The following DIP2C variants were observed in gnomAD, a reference collection of about 807,000 sequenced individuals.
DIP2C encodes disco-interacting protein 2 homolog C.
DIP2C carries 33 observed loss-of-function variants against 192.4 expected under a neutral mutation model. The ratio of observed to expected loss-of-function variants is 0.17; its 90% CI spans 0.13 to 0.23. DIP2C has a LOEUF of 0.23. Ranked by LOEUF, DIP2C falls within the 10% of genes least tolerant of loss-of-function variation. The pLI, the probability that DIP2C is intolerant of heterozygous loss-of-function variation, is 1.00. For missense variants in DIP2C, 1,537 were observed against 2,110.1 expected, an observed-to-expected ratio of 0.73 and a Z score of 5.32; for synonymous variants, 979 against 864.1, an observed-to-expected ratio of 1.13 and a Z score of -2.33.
intron 2 of DIP2C, among the ~76,000 whole-genome samples, chr10:475,296 A>G (rs1970972098): frequency 6.6e-6 from 1 of 152,180 alleles, no homozygotes; most frequent in African/African-American, 2.4e-5. Context: ...ATGAACCACA[A>G]ATTTCTCTAA....
intron 1 of DIP2C, among the ~76,000 whole-genome samples, chr10:577,479 G>A (rs909450152): frequency 6.6e-6 from 1 of 152,182 alleles, no homozygotes; most frequent in East Asian, 1.9e-4. Context: ...TATGAAGGTG[G>A]TAAGAGCTTC....
chr10:511,370 T>C (rs936436342), intron 1 of DIP2C, among the ~76,000 whole-genome samples: 2 of 152,204 alleles, frequency 1.3e-5, no homozygotes, highest in South Asian at 2.1e-4. Context: ...CAGAGTTCCA[T>C]GTCGTTAAAG....
intron 1 of DIP2C, among the ~76,000 whole-genome samples, chr10:614,450 G>C (rs542696117): frequency 1.9e-3 from 294 of 152,324 alleles, no homozygotes; most frequent in African/African-American, 5.4e-3. Context: ...CAGAGGACCC[G>C]GGGCACAGGA....
intron 3 of DIP2C, among the ~76,000 whole-genome samples, chr10:468,516 G>A (rs1440780184): frequency 2.6e-5 from 4 of 152,108 alleles, no homozygotes; most frequent in Non-Finnish European, 4.4e-5. Context: ...ATCCCAGCAC[G>A]TTGGGAGGCC....
chr10:504,347 C>G (rs775221454), intron 1 of DIP2C, among the ~76,000 whole-genome samples: 1 of 151,982 alleles, frequency 6.6e-6, no homozygotes, highest in East Asian at 1.9e-4. Context: ...GCAGGCGTGC[C>G]GAGGCTGGCC....
intron 1 of DIP2C, among the ~76,000 whole-genome samples, chr10:546,863 A>G (rs1204511469): frequency 1.3e-5 from 2 of 152,246 alleles, no homozygotes; most frequent in East Asian, 1.9e-4. Flanking sequence ...GTATATTTTA[A>G]TATTCACTGG....
chr10:523,539 T>TG (rs1846861920), intron 1 of DIP2C, among the ~76,000 whole-genome samples: 1 of 146,962 alleles, frequency 6.8e-6, no homozygotes, highest in African/African-American at 2.5e-5. Flanking sequence ...CAAAGGACCC[T>TG]GGAGTGAGGA....
At chr10:600,138 G>A (rs1044721487) in intron 1 of DIP2C, among the ~76,000 whole-genome samples, 1 of 152,178 alleles carries the variant, frequency 6.6e-6, no homozygotes, top group Non-Finnish European at 1.5e-5. Flanking sequence ...TGTAGTACAA[G>A]GCACAGAACT....
intron 1 of DIP2C, among the ~76,000 whole-genome samples, chr10:633,086 T>TGAGGAC (rs1291248549): frequency 5.3e-5 from 8 of 152,284 alleles, no homozygotes; most frequent in Non-Finnish European, 1.2e-4. Context: ...CTGAGGAGGA[T>TGAGGAC]GAGGACGAGA....
intron 1 of DIP2C, among the ~76,000 whole-genome samples, chr10:600,725 C>T (rs989110175): frequency 2.0e-5 from 3 of 152,234 alleles, no homozygotes; most frequent in African/African-American, 7.2e-5. Context: ...GAGATTTTCA[C>T]AGTCTCATTT....
intron 22 of DIP2C, among the ~76,000 whole-genome samples, chr10:359,329 A>G (rs780518334): frequency 7.9e-5 from 12 of 152,148 alleles, no homozygotes; most frequent in Admixed American, 2.6e-4. Context: ...GATTCCACTT[A>G]TCACAGCTGC....
chr10:387,520 A>G (rs1345941005), intron 14 of DIP2C, among the ~76,000 whole-genome samples: 1 of 128,718 alleles, frequency 7.8e-6, no homozygotes, highest in East Asian at 2.8e-4. Context: ...CTGTGTGGAC[A>G]GACAGTGAGG....
intron 3 of DIP2C, among the ~76,000 whole-genome samples, chr10:459,589 G>A (rs576801860): frequency 3.3e-5 from 5 of 152,224 alleles, no homozygotes; most frequent in African/African-American, 4.8e-5. Flanking sequence ...CATGCTGCAC[G>A]TGGGCTCTAG....
chr10:347,295 C>G (rs1259519429), intron 26 of DIP2C, among the ~76,000 whole-genome samples: 5 of 111,278 alleles, frequency 4.5e-5, no homozygotes, highest in Non-Finnish European at 7.0e-5. Flanking sequence ...TCCCGGGAAC[C>G]CCACACTCAC....
intron 32 of DIP2C, among the ~76,000 whole-genome samples, chr10:297,440 A>T (rs1336654167): frequency 6.6e-6 from 1 of 152,232 alleles, no homozygotes; most frequent in South Asian, 2.1e-4. Context: ...GTCCAACAGC[A>T]GATGAATGGA....
chr10:624,935 T>G (rs925878989), intron 1 of DIP2C, among the ~76,000 whole-genome samples: 1 of 151,984 alleles, frequency 6.6e-6, no homozygotes, highest in African/African-American at 2.4e-5. Context: ...AGGGAGGCGC[T>G]CGGTGCCCTG....
At chr10:609,372 C>T (rs1852904162) in intron 1 of DIP2C, among the ~76,000 whole-genome samples, 1 of 152,170 alleles carries the variant, frequency 6.6e-6, no homozygotes, top group African/African-American at 2.4e-5. Flanking sequence ...ATAAAAGCAT[C>T]AAATAGATCT....
intron 13 of DIP2C, among the ~76,000 whole-genome samples, chr10:388,346 G>A (rs1176973563): frequency 2.6e-5 from 4 of 152,190 alleles, no homozygotes; most frequent in African/African-American, 4.8e-5. Context: ...CTAAAAGCTC[G>A]TGCTTGATGA....
At chr10:449,770 T>A in intron 3 of DIP2C, among the ~76,000 whole-genome samples, 1 of 133,042 alleles carries the variant, frequency 7.5e-6, no homozygotes, top group African/African-American at 3.4e-5. Flanking sequence ...ACCCTAAAAC[T>A]TAAAGTATAA....
Sources: gnomAD v4.1 joint callset for allele counts (sites outside exome capture counted in the v4.1 genomes callset) on GRCh38, gnomAD v4.1.1 for gene constraint, MANE v1.5 for transcripts, NCBI Gene and HGNC (gene_info 2026-07-23, HGNC 2026-07-21) for gene names.